The following TRPC4 variants were observed in gnomAD, a reference collection of about 807,000 sequenced individuals.
The protein encoded by TRPC4 is transient receptor potential cation channel subfamily C member 4.
Under a neutral mutation model 99.4 loss-of-function variants are expected in TRPC4, and 49 were observed. The observed-to-expected ratio is 0.49, with a 90% confidence interval of 0.39 to 0.63. The LOEUF is 0.63. TRPC4 is among the 20% of genes least tolerant of loss of function. The pLI, the probability that TRPC4 is intolerant of heterozygous loss-of-function variation, is 0.00. For synonymous variants in TRPC4, 454 were observed against 425.9 expected (o/e 1.07, Z -0.81); for missense variants, 898 against 1,152.9 (o/e 0.78, Z 3.20).
chr13:37,753,337 A>G (rs1284379982), intron 2 of TRPC4, among the ~76,000 whole-genome samples: 1 of 152,116 alleles, frequency 6.6e-6, no homozygotes, highest in Non-Finnish European at 1.5e-5. Context: ...TTTTATAAAT[A>G]TTGGTGACAT....
chr13:37,735,590 G>A (rs1039616632), intron 3 of TRPC4, among the ~76,000 whole-genome samples: 5 of 152,142 alleles, frequency 3.3e-5, no homozygotes, highest in Non-Finnish European at 7.4e-5. Flanking sequence ...TGATCTTATT[G>A]CTAGCACTTT....
rs755338822 is a variant in TRPC4, at chr13:37,746,056, T to G, written c.778A>C (p.Arg260=). 1 of 1,613,860 alleles carries G rather than the reference T, an allele frequency of 6.2e-7. No individual in the cohort carries two copies. Among genetic ancestry groups the G allele is most frequent in the Non-Finnish European group, 8.5e-7 (1 of 1,179,894 alleles). ...ATGATTTCCAGTTCTCTGGAACTTC[T>G]CGTCTGATCCAGTAGGTCCTTAGCA... The part of the protein sequence containing the change: ...QFAKDLLDQT[R]SSRELEIILN... The change falls in exon 3 of 11, where the codon AGA becomes CGA. Residue 260 remains arginine (R), a synonymous_variant. Transcript: ENST00000379705.
At chr13:37,732,493 A>C (rs747021156) in intron 3 of TRPC4, among the ~76,000 whole-genome samples, 2 of 152,144 alleles carry the variant, frequency 1.3e-5, no homozygotes, top group Non-Finnish European at 2.9e-5. Context: ...AAAAAAATAA[A>C]AAGTATCCAA....
intron 1 of TRPC4, among the ~76,000 whole-genome samples, chr13:37,839,098 A>G (rs187478265): frequency 4.4e-4 from 67 of 152,322 alleles, no homozygotes; most frequent in African/African-American, 1.5e-3. Context: ...TGCTCCATCA[A>G]TATTGACAAG....
At position 37,760,992 on chromosome 13, in the gene TRPC4, G is replaced by A. The variant is rs1001839503; in HGVS notation, c.379-14537C>T. On this transcript the variant is annotated intron_variant, in intron 2 of 10. Transcript: ENST00000379705. ...AATACCAGCAAAGACTTATAGAGTT[G>A]ACTTGAAAAGGTATATAGGGCACAC... Among the ~76,000 whole-genome samples the A allele has an allele frequency of 2.0e-5, 3 of 152,038 alleles. No homozygotes were observed. The Middle Eastern group carries it at 0.01, about 517-fold the overall frequency.
At chr13:37,711,011 T>C (rs1445920393) in intron 3 of TRPC4, among the ~76,000 whole-genome samples, 2 of 152,004 alleles carry the variant, frequency 1.3e-5, no homozygotes. Flanking sequence ...AAAAATCTTC[T>C]TCACAAAGTA....
intron 2 of TRPC4, among the ~76,000 whole-genome samples, chr13:37,767,962 T>C (rs1388521711): frequency 6.6e-6 from 1 of 151,426 alleles, no homozygotes; most frequent in Non-Finnish European, 1.5e-5. Flanking sequence ...ACCATCACAG[T>C]TCAATGGACT....
chr13:37,830,929 G>C (rs1341180983), intron 1 of TRPC4, among the ~76,000 whole-genome samples: 1 of 151,180 alleles, frequency 6.6e-6, no homozygotes, highest in Non-Finnish European at 1.5e-5. Context: ...ACTGTGAAAA[G>C]TTAAAGTATA....
Position 37,663,402 on chromosome 13 carries a change from T to C in TRPC4, c.1688+14A>G. On this transcript the variant is annotated intron_variant, in intron 6 of 10. Transcript: ENST00000379705. ...CTGTACAACATTACCAGTAGAAATG[T>C]CTATTAGACTTACGTTGAAAATGCA... The C allele has an allele frequency of 1.9e-6, 3 of 1,600,772 alleles. No homozygotes were observed. The highest frequency in any genetic ancestry group is 1.7e-6 in the Non-Finnish European group (2 of 1,172,876).
At chr13:37,801,516 G>T (rs116769124) in intron 1 of TRPC4, among the ~76,000 whole-genome samples, 3 of 152,070 alleles carry the variant, frequency 2.0e-5, no homozygotes, top group African/African-American at 7.2e-5. Context: ...ATAAAAAAAG[G>T]TTATAAATCT....
intron 3 of TRPC4, among the ~76,000 whole-genome samples, chr13:37,704,122 A>G (rs1954191609): frequency 6.6e-6 from 1 of 152,200 alleles, no homozygotes. Flanking sequence ...AAAAGAACAC[A>G]TACTGTATAA....
intron 3 of TRPC4, among the ~76,000 whole-genome samples, chr13:37,724,752 C>A (rs964872222): frequency 6.6e-6 from 1 of 152,156 alleles, no homozygotes; most frequent in Admixed American, 6.5e-5. Flanking sequence ...AAGATTCCAA[C>A]TGTGGCTTCA....
At chr13:37,687,611 C>A (rs1195703578) in intron 4 of TRPC4, among the ~76,000 whole-genome samples, 1 of 152,146 alleles carries the variant, frequency 6.6e-6, no homozygotes, top group Non-Finnish European at 1.5e-5. Flanking sequence ...CTCTAGTTTT[C>A]ATGTAATTTT....
intron 5 of TRPC4, 138 bp downstream of exon 5, chr13:37,674,090 A>G: frequency 1.3e-6 from 1 of 770,758 alleles, no homozygotes. Flanking sequence ...CTATATATCT[A>G]TCAATAAAAC....
chr13:37,693,650 G>T (rs992091202), intron 3 of TRPC4, among the ~76,000 whole-genome samples: 6 of 152,090 alleles, frequency 3.9e-5, no homozygotes, highest in African/African-American at 1.4e-4. Flanking sequence ...GCTGTGTTTG[G>T]GGATGAAGAA....
intron 2 of TRPC4, among the ~76,000 whole-genome samples, chr13:37,756,618 C>T (rs1021209715): frequency 5.9e-5 from 9 of 151,288 alleles, no homozygotes; most frequent in East Asian, 3.9e-4. Flanking sequence ...CTGCAATCTC[C>T]GCCTCCCAGG....
chr13:37,724,514 T>C (rs1057357907), intron 3 of TRPC4, among the ~76,000 whole-genome samples: 1 of 152,228 alleles, frequency 6.6e-6, no homozygotes, highest in African/African-American at 2.4e-5. Context: ...TATCATATTA[T>C]GATGAATTGT....
At chr13:37,696,659 T>C (rs1419635147) in intron 3 of TRPC4, among the ~76,000 whole-genome samples, 1 of 152,214 alleles carries the variant, frequency 6.6e-6, no homozygotes, top group Non-Finnish European at 1.5e-5. Context: ...TTGGATTGGC[T>C]GTATCATAGT....
rs77799254 is a variant in TRPC4 at position 37,800,014 on chromosome 13, A to G, written c.-27-16654T>C. On this transcript the variant is annotated intron_variant, in intron 1 of 10. Coordinates refer to ENST00000379705, the MANE Select transcript of TRPC4 (RefSeq NM_016179.4). ...GTGCAAATGCGATATAATATCTACAAAGTGGCTAATATATAGGTATTCAAT... is the reference window on the plus strand; with the variant it reads ...GTGCAAATGCGATATAATATCTACAGAGTGGCTAATATATAGGTATTCAAT... 9.7e-3 allele frequency among the ~76,000 whole-genome samples: 1,472 copies of G among 152,310 alleles called. 28 individuals carry two copies. The East Asian group carries it at 0.1, about 11-fold the overall frequency.
Sources: allele counts gnomAD v4.1 joint callset (sites outside exome capture counted in the v4.1 genomes callset), GRCh38; gene constraint gnomAD v4.1.1; transcripts MANE v1.5; gene names NCBI Gene and HGNC (gene_info 2026-07-23, HGNC 2026-07-21).